RSPH6A: variants seen among roughly 807,000 people sequenced by gnomAD.
RSPH6A encodes radial spoke head protein 6 homolog A.
Under a neutral mutation model 66.1 loss-of-function variants are expected in RSPH6A, and 49 were observed. That is an observed-to-expected ratio of 0.74 (90% CI 0.59 to 0.94). RSPH6A has a LOEUF of 0.94. Among genes scored for constraint, RSPH6A ranks in the 40% least tolerant of loss-of-function variants. The pLI, the probability that RSPH6A is intolerant of heterozygous loss-of-function variation, is 0.00. For missense variants in RSPH6A, 977 were observed against 948.3 expected, an observed-to-expected ratio of 1.03 and a Z score of -0.40; for synonymous variants, 419 against 402.4, an observed-to-expected ratio of 1.04 and a Z score of -0.49.
intron 1 of RSPH6A, among the ~76,000 whole-genome samples, chr19:45,812,930 G>A (rs762212226): frequency 9.2e-5 from 14 of 151,748 alleles, no homozygotes; most frequent in Non-Finnish European, 1.3e-4. Context: ...TCCTGACTTC[G>A]AGTTATCTGT....
intron 5 of RSPH6A, among the ~76,000 whole-genome samples, chr19:45,798,969 T>G (rs1334872046): frequency 1.3e-5 from 2 of 151,834 alleles, no homozygotes; most frequent in Admixed American, 1.3e-4. Context: ...GCCTCAAGTT[T>G]GTATCATTTG....
chr19:45,800,774 A>ACACACACTCT (rs1491172653), intron 4 of RSPH6A, among the ~76,000 whole-genome samples: 5 of 105,094 alleles, frequency 4.8e-5, no homozygotes, highest in Admixed American at 1.0e-4. Flanking sequence ...ACACACACAC[A>ACACACACTCT]CTCTCTCTCT....
chr19:45,815,298 G>A lies in RSPH6A; in HGVS notation c.-122C>T, dbSNP rs1970695013. The A allele has an allele frequency of 3.3e-6, 4 of 1,202,768 alleles. No individual in the cohort carries two copies. The highest frequency in any genetic ancestry group is 1.5e-5 in the African/African-American group (1 of 65,022). The allele number at this position is 1,202,768 out of a possible 1,614,324, so 74.5% of individuals were successfully genotyped here. ...GAGAGGGGGCCGTTACCCGTGGAGG[G>A]CGCGGGGAGCGGGCCAGGGTGGGTT... On this transcript the variant is annotated 5_prime_UTR_variant, in exon 1 of 6. Coordinates refer to ENST00000221538, the MANE Select transcript of RSPH6A (RefSeq NM_030785.4).
rs893640260 is a variant in RSPH6A, at chr19:45,805,106, G to A, written c.889-90C>T. The A allele has an allele frequency of 1.0e-5, 12 of 1,156,696 alleles. No homozygotes were observed. In the South Asian group the frequency reaches 1.1e-4, roughly 10 times the overall value. The allele number at this position is 1,156,696 out of a possible 1,614,324, so 71.7% of individuals were successfully genotyped here. A position where few individuals can be genotyped will look rare whatever the true frequency, so the allele number is the denominator to read the frequency against. The stretch of plus-strand genomic sequence containing the variant: ...TCCAGACTCTTCTAGAGTCAAGAGA[G>A]CTAAAAGAGGCCGGGTGCAGTGGCT... On this transcript the variant is annotated intron_variant, in intron 2 of 5. Transcript: ENST00000221538.
intron 2 of RSPH6A, among the ~76,000 whole-genome samples, chr19:45,806,038 CCTT>C (rs1970538738): frequency 6.6e-6 from 1 of 152,170 alleles, no homozygotes; most frequent in African/African-American, 2.4e-5. Flanking sequence ...CCCACCCTGA[CCTT>C]CTTGCTCCTG....
intron 2 of RSPH6A, among the ~76,000 whole-genome samples, chr19:45,809,603 C>G (rs1970596271): frequency 6.6e-6 from 1 of 152,100 alleles, no homozygotes; most frequent in South Asian, 2.1e-4. Context: ...CCCGGCTAGT[C>G]AAAACTTTTC....
At chr19:45,812,929 C>T (rs1970648189) in intron 1 of RSPH6A, among the ~76,000 whole-genome samples, 1 of 151,968 alleles carries the variant, frequency 6.6e-6, no homozygotes, top group Non-Finnish European at 1.5e-5. Context: ...CTCCTGACTT[C>T]GAGTTATCTG....
rs1336114179 is a variant in RSPH6A, at chr19:45,804,775, A to G, written c.1130T>C (p.Met377Thr). Residue 377 changes from methionine to threonine, a missense_variant, in exon 3 of 6, where the codon ATG becomes ACG. Coordinates refer to ENST00000221538, the MANE Select transcript of RSPH6A (RefSeq NM_030785.4). This position sits in a 1 kb window ranked among gnomAD's most constrained non-coding sequence, Gnocchi z 5.8. Reference protein sequence around the residue: ...EEAEEEEVEEMTEGGEVMEAH... With the variant: ...EEAEEEEVEETTEGGEVMEAH... ...CTCCATGACCTCGCCACCTTCCGTC[A>G]TCTCCTCCACCTCCTCCTCCTCTGC... 2 of 1,612,208 alleles carry G rather than the reference A, an allele frequency of 1.2e-6. No individual in the cohort carries two copies. The highest frequency in any genetic ancestry group is 1.7e-6 in the Non-Finnish European group (2 of 1,179,288).
At chr19:45,798,062 G>A (rs891136852) in intron 5 of RSPH6A, among the ~76,000 whole-genome samples, 37 of 151,978 alleles carry the variant, frequency 2.4e-4, no homozygotes, top group African/African-American at 8.7e-4. Context: ...GACAGAGACT[G>A]ATAAAGAGGC....
rs1363798859 is a variant in RSPH6A at position 45,804,941 on chromosome 19, C to G, written c.964G>C (p.Glu322Gln). 6.2e-7 allele frequency: 1 copy of G among 1,614,076 alleles called. No homozygotes were observed. Among genetic ancestry groups the G allele is most frequent in the African/African-American group, 1.3e-5 (1 of 74,936 alleles). ...ATGGCCAGGAAAATGCGGAAGCTCTCGTCCGAGCTCAGGCCGACGCCGGCC... is the reference window on the plus strand; with the variant it reads ...ATGGCCAGGAAAATGCGGAAGCTCTGGTCCGAGCTCAGGCCGACGCCGGCC... Reference protein sequence around the residue: ...EQAGVGLSSDESFRIFLAMKQ... With the variant: ...EQAGVGLSSDQSFRIFLAMKQ... The change falls in exon 3 of 6, where the codon GAG (glutamate) becomes CAG (glutamine). Residue 322 changes from glutamate to glutamine, a missense_variant. Transcript: ENST00000221538. This position sits in a 1 kb window ranked among gnomAD's most constrained non-coding sequence, Gnocchi z 5.8.
rs565580479 is a variant in RSPH6A at position 45,811,846 on chromosome 19, C to T, written c.651-1006G>A. Among the ~76,000 whole-genome samples, 82 of 150,806 alleles carry T rather than the reference C, an allele frequency of 5.4e-4. No homozygotes were observed. The South Asian group carries it at 7.3e-3, about 13-fold the overall frequency. ...GGAGTGCAGTGGTGTGATTTCGGCT[C>T]ACCACAACCTCTGCCTCCTGGGTTC... On this transcript the variant is annotated intron_variant, in intron 1 of 5. Coordinates refer to ENST00000221538, the MANE Select transcript of RSPH6A (RefSeq NM_030785.4).
rs902236405 is a variant in RSPH6A, at chr19:45,804,060, A to T, written c.1653+192T>A. ...AAGAAGAAAGAAAGAAAAGAAAAAA[A>T]AATGCCTCTGTCCCCAAAGGTTTCT... On this transcript the variant is annotated intron_variant, in intron 3 of 5. Coordinates refer to ENST00000221538, the MANE Select transcript of RSPH6A (RefSeq NM_030785.4). The surrounding 1 kb of genome is among the most constrained non-coding windows in gnomAD (Gnocchi z 5.8). 5.3e-5 allele frequency among the ~76,000 whole-genome samples: 8 copies of T among 152,166 alleles called. No individual in the cohort carries two copies. The highest frequency in any genetic ancestry group is 5.2e-4 in the Admixed American group (8 of 15,260).
chr19:45,810,863 G>A (rs1368445885), intron 1 of RSPH6A, 23 bp from the exon 2 acceptor site: 1 of 1,583,546 alleles, frequency 6.3e-7, no homozygotes, highest in Non-Finnish European at 8.6e-7. Context: ...GGAGGAGTGG[G>A]AGGAGAGGGA....
Position 45,801,360 on chromosome 19 carries a change from G to A in RSPH6A, c.1798+760C>T, listed in dbSNP as rs138666513. Among the ~76,000 whole-genome samples the A allele has an allele frequency of 2.5e-3, 384 of 152,288 alleles. 1 individual carries two copies. Among genetic ancestry groups the A allele is most frequent in the African/African-American group, 8.5e-3 (354 of 41,554 alleles). On this transcript the variant is annotated intron_variant, in intron 4 of 5. Transcript: ENST00000221538. ...GGAAGGGCACAGGCTGGCAGGATCT[G>A]GCTTCAAATCCAGGACCTGTCCCCT...
chr19:45,810,718 G>A lies in RSPH6A; in HGVS notation c.773C>T (p.Thr258Met), dbSNP rs755304600. 36 of 1,613,808 alleles carry A rather than the reference G, an allele frequency of 2.2e-5. No homozygotes were observed. Among genetic ancestry groups the A allele is most frequent in the Admixed American group, 8.3e-5 (5 of 59,986 alleles). Reference protein sequence around the residue: ...QWEWFHPKLDTLRDDPEMQPT... With the variant: ...QWEWFHPKLDMLRDDPEMQPT... ...CTGCATCTCGGGGTCGTCCCGCAGC[G>A]TGTCCAGCTTGGGGTGGAACCACTC... The change falls in exon 2 of 6, where the codon ACG becomes ATG. Residue 258 changes from threonine (T) to methionine (M), a missense_variant. Transcript: ENST00000221538.
Position 45,814,748 on chromosome 19 carries a change from G to T in RSPH6A, c.429C>A (p.Val143=). 1 of 1,613,866 alleles carries T rather than the reference G, an allele frequency of 6.2e-7. No individual in the cohort carries two copies. Among genetic ancestry groups the T allele is most frequent in the Non-Finnish European group, 8.5e-7 (1 of 1,179,880 alleles). The change falls in exon 1 of 6, where the codon GTC becomes GTA. Residue 143 remains valine (V), a synonymous_variant. Transcript: ENST00000221538. ...QLDPTFQEPP[V]NPLGQFNLYQ... ...AGAGGTTGAACTGGCCCAAGGGGTTGACTGGGGGCTCCTGGAAGGTGGGGT... is the reference window on the plus strand; with the variant it reads ...AGAGGTTGAACTGGCCCAAGGGGTTTACTGGGGGCTCCTGGAAGGTGGGGT...
rs1035148039 is a variant in RSPH6A at position 45,810,860 on chromosome 19, T to G, written c.651-20A>C. 1.3e-6 allele frequency: 2 copies of G among 1,588,614 alleles called. No homozygotes were observed. Among genetic ancestry groups the G allele is most frequent in the African/African-American group, 2.7e-5 (2 of 74,504 alleles). On this transcript the variant is annotated intron_variant, in intron 1 of 5. Coordinates refer to ENST00000221538, the MANE Select transcript of RSPH6A (RefSeq NM_030785.4). ...TCGTACCTGCCTCCCGCAGGAGGAG[T>G]GGGAGGAGAGGGACCTCACTCACTC...
intron 4 of RSPH6A, among the ~76,000 whole-genome samples, chr19:45,801,685 G>A (rs991747774): frequency 1.3e-5 from 2 of 152,126 alleles, no homozygotes; most frequent in African/African-American, 4.8e-5. Flanking sequence ...GCAGGAACCC[G>A]AGAGGTTGAG....
chr19:45,802,118 ACCTG>A lies in RSPH6A; in HGVS notation c.1796_1798+1del. On this transcript the variant is annotated splice_donor_variant and coding_sequence_variant, in exon 4 of 6. Coordinates refer to ENST00000221538, the MANE Select transcript of RSPH6A (RefSeq NM_030785.4). LOFTEE classifies it high-confidence loss of function. ...GTGTACAGGCTGAGAGGGCTTCCTT[ACCTG>A]CATCTTCTGAAAGTGGCGTTAGCAG... 1 of 1,519,910 alleles carries A rather than the reference ACCTG, an allele frequency of 6.6e-7. No individual in the cohort carries two copies. The highest frequency in any genetic ancestry group is 8.9e-7 in the Non-Finnish European group (1 of 1,124,488). The allele number at this position is 1,519,910 out of a possible 1,614,324, so 94.2% of individuals were successfully genotyped here. A position where few individuals can be genotyped will look rare whatever the true frequency, so the allele number is the denominator to read the frequency against.
Sources: gnomAD v4.1 joint callset for allele counts (sites outside exome capture counted in the v4.1 genomes callset) on GRCh38, gnomAD v4.1.1 for gene constraint, Gnocchi (gnomAD v3.1) non-coding constraint, MANE v1.5 for transcripts, NCBI Gene and HGNC (gene_info 2026-07-23, HGNC 2026-07-21) for gene names.